The following CNTLN variants were observed in gnomAD, a reference collection of about 807,000 sequenced individuals.
The protein encoded by CNTLN is centlein.
A neutral mutation model predicts 180.0 loss-of-function variants in CNTLN; 212 were observed. The observed-to-expected ratio is 1.18, with a 90% CI of 1.05 to 1.32. The LOEUF (loss-of-function observed/expected upper bound fraction) is 1.32, where lower values mean the gene tolerates loss of function less well. Among genes scored for constraint, CNTLN ranks in the 40% most tolerant of loss-of-function variants. CNTLN has a pLI of 0.00. For missense variants in CNTLN, 2,095 were observed against 1,610.9 expected, an observed-to-expected ratio of 1.30 and a Z score of -5.14; for synonymous variants, 722 against 563.1, an observed-to-expected ratio of 1.28 and a Z score of -3.99.
chr9:17,187,768 A>G (rs958359312), intron 2 of CNTLN, among the ~76,000 whole-genome samples: 6 of 151,550 alleles, frequency 4.0e-5, no homozygotes, highest in Admixed American at 2.0e-4. Flanking sequence ...AAATATTGCA[A>G]TGATGAATGT....
chr9:17,422,536 C>T (rs1377802432), intron 18 of CNTLN, among the ~76,000 whole-genome samples: 1 of 152,106 alleles, frequency 6.6e-6, no homozygotes, highest in Non-Finnish European at 1.5e-5. Context: ...AATCGTTCAG[C>T]TCCAAAATAT....
chr9:17,414,460 AT>A (rs35321860), intron 16 of CNTLN, among the ~76,000 whole-genome samples: 9 of 150,138 alleles, frequency 6.0e-5, no homozygotes, highest in Admixed American at 2.0e-4. Flanking sequence ...TGTAGTTTGG[AT>A]TTTTTTTTTA....
chr9:17,417,913 AAAAAGCAC>A (rs1828390831), intron 18 of CNTLN, among the ~76,000 whole-genome samples: 1 of 151,996 alleles, frequency 6.6e-6, no homozygotes. Flanking sequence ...TAGGAGGTAT[AAAAAGCAC>A]CTCAGTTACT....
chr9:17,206,887 G>T (rs1460414723), intron 2 of CNTLN, among the ~76,000 whole-genome samples: 1 of 152,214 alleles, frequency 6.6e-6, no homozygotes, highest in Non-Finnish European at 1.5e-5. Flanking sequence ...CTTGAGCCCA[G>T]TTGCAAAGGG....
chr9:17,348,072 C>G (rs1822054979), intron 12 of CNTLN, among the ~76,000 whole-genome samples: 1 of 152,134 alleles, frequency 6.6e-6, no homozygotes, highest in Non-Finnish European at 1.5e-5. Context: ...CTCAAGTGAT[C>G]TGTCTGCCTC....
Position 17,503,476 on chromosome 9 carries a change from C to T in CNTLN, c.*824C>T, listed in dbSNP as rs1588127652. ...TACCCTTTTTGGTTCCTCTAATTCA[C>T]CATACTGGTGCCTGCCTCCCACATT... On this transcript the variant is annotated 3_prime_UTR_variant, in exon 26 of 26. Transcript: ENST00000380647. 1 of 152,210 alleles carries T rather than the reference C, an allele frequency of 6.6e-6. No homozygotes were observed. The highest frequency in any genetic ancestry group is 2.4e-5 in the African/African-American group (1 of 41,438). 9.4% of individuals were successfully genotyped at this position (152,210 alleles called of 1,614,324 possible).
chr9:17,142,672 G>A (rs1041074822), intron 1 of CNTLN, among the ~76,000 whole-genome samples: 6 of 152,102 alleles, frequency 3.9e-5, no homozygotes, highest in Non-Finnish European at 7.4e-5. Context: ...AGATTCACTC[G>A]AGGCACTTTT....
At chr9:17,263,096 G>C (rs890228924) in intron 5 of CNTLN, among the ~76,000 whole-genome samples, 8 of 150,682 alleles carry the variant, frequency 5.3e-5, no homozygotes, top group South Asian at 2.1e-4. Context: ...CAACGTGCAG[G>C]TTTGTTACAT....
intron 7 of CNTLN, among the ~76,000 whole-genome samples, chr9:17,302,307 C>G (rs1017953455): frequency 6.6e-6 from 1 of 152,066 alleles, no homozygotes; most frequent in Non-Finnish European, 1.5e-5. Flanking sequence ...AAGCAATTCC[C>G]CCACCTTAGC....
chr9:17,250,098 C>T (rs1167334995), intron 5 of CNTLN, among the ~76,000 whole-genome samples: 5 of 151,270 alleles, frequency 3.3e-5, no homozygotes, highest in Admixed American at 6.6e-5. Context: ...TATAACTTCT[C>T]GATAAGTTGA....
chr9:17,260,487 T>G (rs919519179), intron 5 of CNTLN, among the ~76,000 whole-genome samples: 1 of 151,470 alleles, frequency 6.6e-6, no homozygotes, highest in Non-Finnish European at 1.5e-5. Context: ...GTTTATGTTC[T>G]TTGCCCACTT....
At chr9:17,278,090 C>T (rs780396491) in intron 6 of CNTLN, among the ~76,000 whole-genome samples, 43 of 152,084 alleles carry the variant, frequency 2.8e-4, no homozygotes, top group Non-Finnish European at 5.7e-4. Flanking sequence ...TGTGGCTCAG[C>T]AGAGAGTGAG....
chr9:17,522,787 C>A, the CNTLN span, among the ~76,000 whole-genome samples: 1 of 151,748 alleles, frequency 6.6e-6, no homozygotes, highest in East Asian at 1.9e-4. Flanking sequence ...AGGATTGATG[C>A]CCAAGCGTGT....
intron 5 of CNTLN, among the ~76,000 whole-genome samples, chr9:17,267,954 A>G (rs185756199): frequency 6.6e-6 from 1 of 151,744 alleles, no homozygotes; most frequent in Non-Finnish European, 1.5e-5. Flanking sequence ...TTTTTTTCAA[A>G]CTTTTAACTT....
intron 6 of CNTLN, among the ~76,000 whole-genome samples, chr9:17,291,152 G>A (rs677490): frequency 9.9e-5 from 15 of 152,100 alleles, no homozygotes; most frequent in Admixed American, 3.3e-4. Context: ...ATTTGATTGC[G>A]CTGTTTTCTG....
chr9:17,315,557 A>C (rs1446940201), intron 8 of CNTLN, among the ~76,000 whole-genome samples: 1 of 152,082 alleles, frequency 6.6e-6, no homozygotes, highest in Non-Finnish European at 1.5e-5. Flanking sequence ...AATGTCTTCA[A>C]ATATGACTTC....
At chr9:17,267,953 A>C (rs922497909) in intron 5 of CNTLN, among the ~76,000 whole-genome samples, 5 of 151,756 alleles carry the variant, frequency 3.3e-5, no homozygotes, top group African/African-American at 1.2e-4. Flanking sequence ...TTTTTTTTCA[A>C]ACTTTTAACT....
chr9:17,354,835 G>A (rs1490495715), intron 12 of CNTLN, among the ~76,000 whole-genome samples: 1 of 151,998 alleles, frequency 6.6e-6, no homozygotes, highest in Non-Finnish European at 1.5e-5. Flanking sequence ...AATAAATCTT[G>A]CTATTGCTCA....
chr9:17,360,026 C>G (rs1823232833), intron 12 of CNTLN, among the ~76,000 whole-genome samples: 2 of 152,090 alleles, frequency 1.3e-5, no homozygotes, highest in African/African-American at 4.8e-5. Context: ...TGGAAGCTTG[C>G]ATCATTATGG....
Sources: gnomAD v4.1 joint callset for allele counts (sites outside exome capture counted in the v4.1 genomes callset) on GRCh38, gnomAD v4.1.1 for gene constraint, MANE v1.5 for transcripts, NCBI Gene and HGNC (gene_info 2026-07-23, HGNC 2026-07-21) for gene names.